Variants in FRMD3 observed in about 807,000 individuals in gnomAD.
The protein encoded by FRMD3 is FERM domain-containing protein 3.
A neutral mutation model predicts 70.2 loss-of-function variants in FRMD3; 33 were observed. The observed-to-expected ratio is 0.47, with a 90% CI of 0.36 to 0.63. FRMD3 has a LOEUF of 0.63. Ranked by LOEUF, FRMD3 falls within the 20% of genes least tolerant of loss-of-function variation. The pLI is 0.00. For synonymous variants in FRMD3, 279 were observed against 255.9 expected, an observed-to-expected ratio of 1.09 and a Z score of -0.86; for missense variants, 632 against 711.4, an observed-to-expected ratio of 0.89 and a Z score of 1.27.
chr9:83,383,386 C>A (rs1363177681), intron 2 of FRMD3, among the ~76,000 whole-genome samples: 2 of 152,228 alleles, frequency 1.3e-5, no homozygotes, highest in Non-Finnish European at 2.9e-5. Flanking sequence ...TCATTAACCT[C>A]CACACATGTA....
chr9:83,516,228 C>T (rs1829452190), intron 1 of FRMD3, among the ~76,000 whole-genome samples: 1 of 151,466 alleles, frequency 6.6e-6, no homozygotes. Flanking sequence ...AGACCCATCT[C>T]ACATGCAAAG....
At chr9:83,465,978 A>G (rs529056929) in intron 1 of FRMD3, among the ~76,000 whole-genome samples, 9 of 152,312 alleles carry the variant, frequency 5.9e-5, no homozygotes, top group African/African-American at 1.9e-4. Flanking sequence ...GACTTTCAAC[A>G]AGAAGTAGTT....
intron 13 of FRMD3, among the ~76,000 whole-genome samples, chr9:83,255,535 A>G (rs1166697482): frequency 2.6e-5 from 4 of 152,182 alleles, no homozygotes; most frequent in Non-Finnish European, 5.9e-5. Flanking sequence ...GGCCAGCGCA[A>G]TCAGGCAAGA....
chr9:83,350,600 G>A (rs1213866321), intron 3 of FRMD3: 4 of 198,008 alleles, frequency 2.0e-5, no homozygotes, highest in African/African-American at 8.6e-5. Flanking sequence ...TCCAGCCTGG[G>A]CAATAAGAGT....
intron 13 of FRMD3, among the ~76,000 whole-genome samples, chr9:83,253,960 T>C (rs1832551948): frequency 1.3e-5 from 2 of 152,234 alleles, no homozygotes; most frequent in South Asian, 2.1e-4. Context: ...TTCATGTCCT[T>C]TGTAGGGACA....
intron 6 of FRMD3, among the ~76,000 whole-genome samples, chr9:83,320,205 T>C (rs949788459): frequency 3.9e-5 from 6 of 152,178 alleles, no homozygotes; most frequent in Non-Finnish European, 8.8e-5. Flanking sequence ...AAAAGAGTGA[T>C]GAAAGTGGGC....
At chr9:83,451,553 C>T (rs1202633101) in intron 1 of FRMD3, among the ~76,000 whole-genome samples, 2 of 152,178 alleles carry the variant, frequency 1.3e-5, no homozygotes, top group African/African-American at 4.8e-5. Flanking sequence ...GGCCAAATAG[C>T]CTGACAGGGA....
At chr9:83,538,753 G>A (rs1007343303), upstream of FRMD3, among the ~76,000 whole-genome samples, 11 of 151,998 alleles carry the variant, frequency 7.2e-5, no homozygotes, top group Admixed American at 2.0e-4. The surrounding 1 kb of genome is among the most constrained non-coding windows in gnomAD (Gnocchi z 4.7). Flanking sequence ...TCCCGGCCCC[G>A]GCTCCCCAAC....
At chr9:83,509,871 CTG>C (rs1297201637) in intron 1 of FRMD3, among the ~76,000 whole-genome samples, 2 of 152,114 alleles carry the variant, frequency 1.3e-5, no homozygotes, top group African/African-American at 4.8e-5. Context: ...CGCACATTCT[CTG>C]TGTGGTGGGC....
intron 3 of FRMD3, among the ~76,000 whole-genome samples, chr9:83,364,335 C>G (rs973227630): frequency 1.3e-5 from 2 of 152,078 alleles, no homozygotes; most frequent in Non-Finnish European, 2.9e-5. Context: ...GAGGCGGGGG[C>G]GTCACAAGGT....
Position 83,357,241 on chromosome 9 carries a change from ACATACATATATATATATATATATAT to A in FRMD3, c.296-7509_296-7485del, listed in dbSNP as rs1824399182. 1.6e-3 allele frequency among the ~76,000 whole-genome samples: 11 copies of A among 7,074 alleles called. No individual in the cohort carries two copies. In the South Asian group the frequency reaches 0.021, roughly 13 times the overall value. The allele number at this position is 7,074 out of a possible 152,430, so 4.6% of individuals were successfully genotyped here. On this transcript the variant is annotated intron_variant, in intron 3 of 13. Coordinates refer to ENST00000304195, the MANE Select transcript of FRMD3 (RefSeq NM_174938.6). ...TATATATATTTTATATATATATAATACATACATATATATATATATATATATATATATATATATATATATATATATA... is the reference window on the plus strand; with the variant it reads ...TATATATATTTTATATATATATAATAATATATATATATATATATATATATA...
the FRMD3 span, among the ~76,000 whole-genome samples, chr9:83,544,796 C>T: frequency 1.3e-5 from 2 of 152,144 alleles, no homozygotes; most frequent in East Asian, 3.9e-4. Flanking sequence ...TCATACAGAG[C>T]CTTGGCCCCC....
intron 1 of FRMD3, among the ~76,000 whole-genome samples, chr9:83,404,929 AG>A (rs1413088791): frequency 7.2e-5 from 11 of 152,212 alleles, no homozygotes; most frequent in African/African-American, 2.7e-4. Flanking sequence ...TACTCTCTGA[AG>A]GGACACAGCC....
In FRMD3 at chr9:83,281,566, A is replaced by G. The variant is rs1009153118; in HGVS notation, c.1195+9037T>C. ...AATGCTCACCTGAACAGGAGGAATG[A>G]TTTGGGAAGCTCTGCTACTGAATTG... On this transcript the variant is annotated intron_variant, in intron 13 of 13. Coordinates refer to ENST00000304195, the MANE Select transcript of FRMD3 (RefSeq NM_174938.6). 11 of 152,220 alleles carry G rather than the reference A, an allele frequency of 7.2e-5. No individual in the cohort carries two copies. In the South Asian group the frequency reaches 8.3e-4, roughly 11 times the overall value. 9.4% of individuals were successfully genotyped at this position (152,220 alleles called of 1,614,324 possible). A position where few individuals can be genotyped will look rare whatever the true frequency, so the allele number is the denominator to read the frequency against.
rs188186304 is a variant in FRMD3, at chr9:83,273,881, C to G, written c.1195+16722G>C. Reference sequence around the variant, plus strand: ...CCCAGGCTGGAGTTCAGTGGCCCATCCATAGCTCACTGCAGCCTCGACCTC... The same window carrying G: ...CCCAGGCTGGAGTTCAGTGGCCCATGCATAGCTCACTGCAGCCTCGACCTC... On this transcript the variant is annotated intron_variant, in intron 13 of 13. Transcript: ENST00000304195. Among the ~76,000 whole-genome samples the G allele has an allele frequency of 2.2e-3, 339 of 152,230 alleles. 1 individual carries two copies. In the South Asian group the frequency reaches 0.023, roughly 10 times the overall value.
chr9:83,272,699 G>A (rs1833619998), intron 13 of FRMD3, among the ~76,000 whole-genome samples: 1 of 132,906 alleles, frequency 7.5e-6, no homozygotes, highest in African/African-American at 3.0e-5. Context: ...AGTGAGGAGC[G>A]CCTCTTCCCG....
At chr9:83,370,089 C>A (rs576194451) in intron 3 of FRMD3, among the ~76,000 whole-genome samples, 126 of 152,246 alleles carry the variant, frequency 8.3e-4, no homozygotes, top group Non-Finnish European at 1.6e-3. Flanking sequence ...ACCTGAAGGC[C>A]TATCATCCTC....
intron 1 of FRMD3, among the ~76,000 whole-genome samples, chr9:83,432,493 A>C (rs1035362436): frequency 6.6e-6 from 1 of 152,158 alleles, no homozygotes; most frequent in African/African-American, 2.4e-5. Flanking sequence ...CCAGCAGTCC[A>C]CGCACATTCC....
At chr9:83,286,864 A>T (rs1834237833) in intron 13 of FRMD3, among the ~76,000 whole-genome samples, 1 of 152,128 alleles carries the variant, frequency 6.6e-6, no homozygotes, top group South Asian at 2.1e-4. Flanking sequence ...AACTCAACGA[A>T]ATCATGCTGG....
Sources: gnomAD v4.1 joint callset for allele counts (sites outside exome capture counted in the v4.1 genomes callset) on GRCh38, gnomAD v4.1.1 for gene constraint, Gnocchi (gnomAD v3.1) non-coding constraint, MANE v1.5 for transcripts, NCBI Gene and HGNC (gene_info 2026-07-23, HGNC 2026-07-21) for gene names.